Variants in PCDHGA7 observed in about 807,000 individuals in gnomAD.
The protein encoded by PCDHGA7 is protocadherin gamma subfamily A, 7, also known as protocadherin gamma-A7.
PCDHGA7 carries 44 observed loss-of-function variants against 58.3 expected under a neutral mutation model. That is an observed-to-expected ratio of 0.75 (90% CI 0.59 to 0.97). The LOEUF is 0.97. Ranked by LOEUF, PCDHGA7 falls within the 50% of genes least tolerant of loss-of-function variation. The pLI is 0.00. For synonymous variants in PCDHGA7, 516 were observed against 504.2 expected, an observed-to-expected ratio of 1.02 and a Z score of -0.31; for missense variants, 1,266 against 1,188.7, an observed-to-expected ratio of 1.06 and a Z score of -0.96.
Position 141,489,564 on chromosome 5 carries a change from G to A in PCDHGA7, c.2425-5243G>A, listed in dbSNP as rs375200685. The A allele has an allele frequency of 1.9e-6, 3 of 1,613,980 alleles. No homozygotes were observed. Among genetic ancestry groups the A allele is most frequent in the Non-Finnish European group, 1.7e-6 (2 of 1,180,020 alleles). On this transcript the variant is annotated intron_variant, in intron 1 of 3. Transcript: ENST00000518325. This position sits in a 1 kb window ranked among gnomAD's most constrained non-coding sequence, Gnocchi z 4.5. Reference sequence around the variant, plus strand: ...CCAGCTGCCTGCTGCCAGTGCAGGTGGTGACTGAACACCCCCTGGAGCTAA... The same window carrying A: ...CCAGCTGCCTGCTGCCAGTGCAGGTAGTGACTGAACACCCCCTGGAGCTAA...
chr5:141,428,091 T>A lies in PCDHGA7; in HGVS notation c.2424+42768T>A, dbSNP rs769710543. 1.1e-5 allele frequency: 17 copies of A among 1,609,000 alleles called. No homozygotes were observed. In the African/African-American group the frequency reaches 1.5e-4, roughly 14 times the overall value. On this transcript the variant is annotated intron_variant, in intron 1 of 3. Transcript: ENST00000518325. ...AGATTCGGGACACAACGCTTGGCTGTCCTACCACGTGCTGCAGGCCATCGA... is the reference window on the plus strand; with the variant it reads ...AGATTCGGGACACAACGCTTGGCTGACCTACCACGTGCTGCAGGCCATCGA...
intron 1 of PCDHGA7, chr5:141,409,940 C>T (rs1368587420): frequency 1.2e-5 from 19 of 1,613,118 alleles, no homozygotes; most frequent in Non-Finnish European, 1.6e-5. Context: ...TATGGTACCT[C>T]GCTCTGCAGA....
chr5:141,495,839 A>G (rs2099764148), intron 2 of PCDHGA7, among the ~76,000 whole-genome samples: 1 of 150,756 alleles, frequency 6.6e-6, no homozygotes, highest in South Asian at 2.1e-4. Flanking sequence ...CCCAGCCTCT[A>G]TGTTTCTCTG....
intron 1 of PCDHGA7, chr5:141,408,054 C>G (rs1561710214): frequency 1.5e-6 from 2 of 1,295,924 alleles, no homozygotes; most frequent in East Asian, 2.6e-5. Flanking sequence ...CACAGAGCCT[C>G]CCGGCTGCGC....
In PCDHGA7 at chr5:141,393,675, C is replaced by T. The variant is rs755191809; in HGVS notation, c.2424+8352C>T. The stretch of plus-strand genomic sequence containing the variant: ...CAAATTCCGGAAAATTAATGAAAAA[C>T]AAACTCCGTTATTCCAGCTTAATGA... On this transcript the variant is annotated intron_variant, in intron 1 of 3. Transcript: ENST00000518325. 4 of 1,613,756 alleles carry T rather than the reference C, an allele frequency of 2.5e-6. No individual in the cohort carries two copies. The South Asian group carries it at 3.3e-5, about 13-fold the overall frequency.
In PCDHGA7 at chr5:141,485,186, G is replaced by T; in HGVS notation, c.2425-9621G>T. ...GCGGGCGGCAGCAATGCTCCGCAAG[G>T]TGAGAAGCTGGACAGAAATCTGGCG... On this transcript the variant is annotated intron_variant, in intron 1 of 3. Coordinates refer to ENST00000518325, the MANE Select transcript of PCDHGA7 (RefSeq NM_018920.4). This position sits in a 1 kb window ranked among gnomAD's most constrained non-coding sequence, Gnocchi z 5.7. 1 of 1,613,706 alleles carries T rather than the reference G, an allele frequency of 6.2e-7. No individual in the cohort carries two copies. The highest frequency in any genetic ancestry group is 8.5e-7 in the Non-Finnish European group (1 of 1,179,644).
chr5:141,383,080 G>C lies in PCDHGA7; in HGVS notation c.181G>C (p.Glu61Gln). 3 of 1,613,930 alleles carry C rather than the reference G, an allele frequency of 1.9e-6. No individual in the cohort carries two copies. The highest frequency in any genetic ancestry group is 2.5e-6 in the Non-Finnish European group (3 of 1,179,902). ...GGGGCTGGAGCCCCGGGAGCTGGCG[G>C]AGCGCGGAGTCCGCATCATCTCCAG... is the stretch of plus-strand genomic sequence containing the variant. ...DLGLEPRELA[E>Q]RGVRIISRGR... Residue 61 changes from glutamate to glutamine, a missense_variant, in exon 1 of 4, where the codon GAG (glutamate) becomes CAG (glutamine). Coordinates refer to ENST00000518325, the MANE Select transcript of PCDHGA7 (RefSeq NM_018920.4).
chr5:141,411,299 G>C (rs1020908131), intron 1 of PCDHGA7: 1 of 152,284 alleles, frequency 6.6e-6, no homozygotes, highest in Non-Finnish European at 1.5e-5. Context: ...GACAGGCCCA[G>C]TGGCTCACAC....
rs760575047 is a variant in PCDHGA7 at position 141,493,887 on chromosome 5, G to A, written c.2425-920G>A. Among the ~76,000 whole-genome samples the A allele has an allele frequency of 1.3e-5, 2 of 152,184 alleles. No individual in the cohort carries two copies. The highest frequency in any genetic ancestry group is 2.4e-5 in the African/African-American group (1 of 41,448). On this transcript the variant is annotated intron_variant, in intron 1 of 3. Coordinates refer to ENST00000518325, the MANE Select transcript of PCDHGA7 (RefSeq NM_018920.4). The surrounding 1 kb of genome is among the most constrained non-coding windows in gnomAD (Gnocchi z 4.3). Reference sequence around the variant, plus strand: ...AGAACCAGTGAGGAGGTGGCTCTAGGAGTGCTCCATGAGAGTGTGTGATGG... The same window carrying A: ...AGAACCAGTGAGGAGGTGGCTCTAGAAGTGCTCCATGAGAGTGTGTGATGG...
In PCDHGA7 at chr5:141,405,262, C is replaced by A. The variant is rs1352663124; in HGVS notation, c.2424+19939C>A. ...ACTCAAGGAAGAGTCACCTGATCTT[C>A]CCCCAGCCCAACTATGCAGACACAC... On this transcript the variant is annotated intron_variant, in intron 1 of 3. Coordinates refer to ENST00000518325, the MANE Select transcript of PCDHGA7 (RefSeq NM_018920.4). The A allele has an allele frequency of 2.5e-6, 4 of 1,614,012 alleles. No individual in the cohort carries two copies. In the African/African-American group the frequency reaches 5.3e-5, roughly 22 times the overall value.
intron 1 of PCDHGA7, chr5:141,478,899 T>A (rs905349011): frequency 9.7e-7 from 1 of 1,027,124 alleles, no homozygotes; most frequent in African/African-American, 1.6e-5. Context: ...ACATTAGGAA[T>A]AAGCTGCTGG....
In PCDHGA7 at chr5:141,487,439, T is replaced by C. The variant is rs201458212; in HGVS notation, c.2425-7368T>C. 1 of 1,613,926 alleles carries C rather than the reference T, an allele frequency of 6.2e-7. No individual in the cohort carries two copies. Among genetic ancestry groups the C allele is most frequent in the South Asian group, 1.1e-5 (1 of 91,066 alleles). ...TGGGATCCTCCGAATCCAGCTAGGG[T>C]CAGATGACCCTATCAAGTTTGTTGA... is the stretch of plus-strand genomic sequence containing the variant. On this transcript the variant is annotated intron_variant, in intron 1 of 3. Transcript: ENST00000518325. This position sits in a 1 kb window ranked among gnomAD's most constrained non-coding sequence, Gnocchi z 5.0.
At position 141,476,638 on chromosome 5, in the gene PCDHGA7, G is replaced by A. The variant is rs997136356; in HGVS notation, c.2425-18169G>A. On this transcript the variant is annotated intron_variant, in intron 1 of 3. Transcript: ENST00000518325. This position sits in a 1 kb window ranked among gnomAD's most constrained non-coding sequence, Gnocchi z 7.6. ...GCAACTCTTTACAAACCTATGAGCT[G>A]AGCCGAAATGAATACTTTGCGCTTC... 1.9e-6 allele frequency: 3 copies of A among 1,614,268 alleles called. No homozygotes were observed. Among genetic ancestry groups the A allele is most frequent in the Middle Eastern group, 1.6e-4 (1 of 6,062 alleles).
intron 1 of PCDHGA7, chr5:141,413,487 G>A (rs1190400492): frequency 1.9e-6 from 3 of 1,613,928 alleles, no homozygotes; most frequent in African/African-American, 2.7e-5. Context: ...CTCAGAGCGC[G>A]CGGTGCGTGG....
Position 141,486,390 on chromosome 5 carries a change from C to G in PCDHGA7, c.2425-8417C>G. 6.2e-7 allele frequency: 1 copy of G among 1,614,138 alleles called. No individual in the cohort carries two copies. The highest frequency in any genetic ancestry group is 8.5e-7 in the Non-Finnish European group (1 of 1,179,996). Reference sequence around the variant, plus strand: ...AAGTCTGCCTTCAGGAACCAGTTCTCCCTGGTGACTGCTGGACCCTTGGAT... The same window carrying G: ...AAGTCTGCCTTCAGGAACCAGTTCTGCCTGGTGACTGCTGGACCCTTGGAT... On this transcript the variant is annotated intron_variant, in intron 1 of 3. Coordinates refer to ENST00000518325, the MANE Select transcript of PCDHGA7 (RefSeq NM_018920.4). This position sits in a 1 kb window ranked among gnomAD's most constrained non-coding sequence, Gnocchi z 5.0.
rs549866784 is a variant in PCDHGA7, at chr5:141,437,490, A to G, written c.2424+52167A>G. ...TTTTATAGCATATTTAATCTCGTAGATCACTTTTCAATGAATTATAAGGCT... is the reference window on the plus strand; with the variant it reads ...TTTTATAGCATATTTAATCTCGTAGGTCACTTTTCAATGAATTATAAGGCT... On this transcript the variant is annotated intron_variant, in intron 1 of 3. Coordinates refer to ENST00000518325, the MANE Select transcript of PCDHGA7 (RefSeq NM_018920.4). 2.0e-5 allele frequency among the ~76,000 whole-genome samples: 3 copies of G among 152,308 alleles called. No homozygotes were observed. In the East Asian group the frequency reaches 5.8e-4, roughly 29 times the overall value.
chr5:141,489,126 T>G lies in PCDHGA7; in HGVS notation c.2425-5681T>G. 31 of 585,108 alleles carry G rather than the reference T, an allele frequency of 5.3e-5. No homozygotes were observed. Among genetic ancestry groups the G allele is most frequent in the South Asian group, 1.3e-4 (4 of 31,402 alleles). 36.2% of individuals were successfully genotyped at this position (585,108 alleles called of 1,614,324 possible). On this transcript the variant is annotated intron_variant, in intron 1 of 3. Transcript: ENST00000518325. The surrounding 1 kb of genome is among the most constrained non-coding windows in gnomAD (Gnocchi z 4.5). ...TGCAAGCAGGCAAACCTCCGAGCAG[T>G]TTTTAAGAGGCTGGAAGGAGACATA...
At chr5:141,419,773 C>G (rs2096431068) in intron 1 of PCDHGA7, 1 of 1,613,916 alleles carries the variant, frequency 6.2e-7, no homozygotes, top group Non-Finnish European at 8.5e-7. Context: ...AGGACTCGGT[C>G]CGCCAGCGCC....
At chr5:141,499,557 C>G (rs972965979) in intron 2 of PCDHGA7, among the ~76,000 whole-genome samples, 1 of 152,192 alleles carries the variant, frequency 6.6e-6, no homozygotes, top group African/African-American at 2.4e-5. Context: ...TATGATACCA[C>G]TATCCAGCTT....
Sources: allele counts gnomAD v4.1 joint callset (sites outside exome capture counted in the v4.1 genomes callset), GRCh38; gene constraint gnomAD v4.1.1; non-coding constraint Gnocchi (gnomAD v3.1); transcripts MANE v1.5; gene names NCBI Gene and HGNC (gene_info 2026-07-23, HGNC 2026-07-21).